Variants in NBEAL1 observed in about 807,000 individuals in gnomAD.
The protein encoded by NBEAL1 is neurobeachin-like protein 1.
A neutral mutation model predicts 351.3 loss-of-function variants in NBEAL1; 273 were observed. The observed-to-expected ratio is 0.78, with a 90% CI of 0.70 to 0.86. NBEAL1 has a LOEUF of 0.86. NBEAL1 is among the 40% of genes least tolerant of loss of function. The pLI is 0.00. For missense variants in NBEAL1, 2,961 were observed against 3,201.3 expected, an observed-to-expected ratio of 0.92 and a Z score of 1.81; for synonymous variants, 1,050 against 1,086.4, an observed-to-expected ratio of 0.97 and a Z score of 0.66.
At chr2:203,079,169 T>A (rs191972491) in intron 8 of NBEAL1, among the ~76,000 whole-genome samples, 38 of 152,250 alleles carry the variant, frequency 2.5e-4, no homozygotes, top group African/African-American at 8.9e-4. Flanking sequence ...AGCCTTGGCC[T>A]CCTGGCTCAG....
In NBEAL1 at chr2:203,037,902, C is replaced by CCTCAAACT. The variant is rs771802626; in HGVS notation, c.52-3862_52-3861insTCAAACTC. On this transcript the variant is annotated intron_variant, in intron 2 of 55. Transcript: ENST00000683969. ...CTCAGGAGTTTGAGGCCATAGTGAA[C>CCTCAAACT]CGTGATTGTGCCACTGCACTCCGGC... 5.8e-4 allele frequency among the ~76,000 whole-genome samples: 87 copies of CCTCAAACT among 149,236 alleles called. 6 individuals are homozygous for CCTCAAACT. Among genetic ancestry groups the CCTCAAACT allele is most frequent in the African/African-American group, 1.9e-3 (77 of 41,132 alleles).
chr2:203,127,965 T>A, intron 24 of NBEAL1, 28 bp downstream of exon 24: 1 of 1,520,756 alleles, frequency 6.6e-7, no homozygotes, highest in Non-Finnish European at 8.9e-7. Flanking sequence ...CATCTACTTT[T>A]CCTTTTTAAC....
chr2:203,127,768 T>G lies in NBEAL1; in HGVS notation c.3249-13T>G. 1.4e-6 allele frequency: 2 copies of G among 1,467,508 alleles called. No individual in the cohort carries two copies. Among genetic ancestry groups the G allele is most frequent in the Non-Finnish European group, 1.9e-6 (2 of 1,078,014 alleles). The allele number at this position is 1,467,508 out of a possible 1,614,324, so 90.9% of individuals were successfully genotyped here. On this transcript the variant is annotated splice_polypyrimidine_tract_variant and intron_variant, in intron 23 of 55. Transcript: ENST00000683969. ...TTAAAATTTCAATTCTTATACTTTG[T>G]TTTGTCTTTCAGGAATGGTTGTAAA... is the stretch of plus-strand genomic sequence containing the variant.
At chr2:203,119,457 C>T (rs1333921892) in intron 18 of NBEAL1, among the ~76,000 whole-genome samples, 15 of 56,444 alleles carry the variant, frequency 2.7e-4, no homozygotes, top group African/African-American at 5.9e-4. Context: ...GACGGAGTCT[C>T]GCTCTGTTGC....
intron 7 of NBEAL1, among the ~76,000 whole-genome samples, chr2:203,076,125 T>G (rs1020011045): frequency 1.3e-5 from 2 of 152,026 alleles, no homozygotes; most frequent in Non-Finnish European, 1.5e-5. Flanking sequence ...GTTAACACAT[T>G]GTAGTGGTGT....
At chr2:203,201,768 A>G in intron 50 of NBEAL1, 53 bp downstream of exon 50, 6 of 1,453,438 alleles carry the variant, frequency 4.1e-6, no homozygotes, top group Non-Finnish European at 5.6e-6. Context: ...TTTTTTCTTA[A>G]GTATAAAAGT....
chr2:203,110,811 T>G (rs57008601), intron 15 of NBEAL1, among the ~76,000 whole-genome samples: 59,269 of 131,640 alleles, frequency 0.45, 15,587 homozygotes, highest in Middle Eastern at 0.68. Context: ...CTGTCGCCAG[T>G]CTGGAGTACA....
At position 203,217,782 on chromosome 2, in the gene NBEAL1, T is replaced by C. The variant is rs535252135; in HGVS notation, c.*428T>C. ...AAATATATCAATTTATTTATGGAAC[T>C]CCTGATTGGGGATAATATTTTAAAG... On this transcript the variant is annotated 3_prime_UTR_variant, in exon 56 of 56. Coordinates refer to ENST00000683969, the MANE Select transcript of NBEAL1 (RefSeq NM_001378026.1). 2.9e-5 allele frequency: 28 copies of C among 980,204 alleles called. No homozygotes were observed. The East Asian group carries it at 2.0e-3, about 72-fold the overall frequency. 60.7% of individuals were successfully genotyped at this position (980,204 alleles called of 1,614,324 possible).
At chr2:203,210,536 C>T (rs1020258932) in intron 53 of NBEAL1, among the ~76,000 whole-genome samples, 13 of 148,438 alleles carry the variant, frequency 8.8e-5, no homozygotes, top group African/African-American at 3.3e-4. Context: ...TGGTGTTGGG[C>T]ACCTGTAGTC....
At chr2:203,155,345 G>C (rs1433775270) in intron 35 of NBEAL1, among the ~76,000 whole-genome samples, 1 of 151,250 alleles carries the variant, frequency 6.6e-6, no homozygotes, top group Non-Finnish European at 1.5e-5. Flanking sequence ...ACTTATTTTT[G>C]GTCCTCACCT....
At chr2:203,018,397 T>C (rs1240357186) in intron 2 of NBEAL1, among the ~76,000 whole-genome samples, 2 of 151,886 alleles carry the variant, frequency 1.3e-5, no homozygotes, top group African/African-American at 4.8e-5. Flanking sequence ...GAAATCGTAG[T>C]TTAGTTTTGG....
At chr2:203,179,686 T>A (rs189127612) in intron 42 of NBEAL1, among the ~76,000 whole-genome samples, 1 of 152,306 alleles carries the variant, frequency 6.6e-6, no homozygotes, top group African/African-American at 2.4e-5. Flanking sequence ...ATTAACCAAG[T>A]ATATTGATAC....
chr2:203,164,119 A>G (rs1346433463), intron 36 of NBEAL1, among the ~76,000 whole-genome samples: 3 of 151,934 alleles, frequency 2.0e-5, no homozygotes, highest in Non-Finnish European at 4.4e-5. Context: ...TACCTATTAT[A>G]TTAATACATG....
rs2065909304 is a variant in NBEAL1, at chr2:203,217,458, T to C, written c.*104T>C. ...TGCAATGTTGCAAGGCTTTTATCCCTGAAAATCATTTACAGATAACCACAA... is the reference window on the plus strand; with the variant it reads ...TGCAATGTTGCAAGGCTTTTATCCCCGAAAATCATTTACAGATAACCACAA... On this transcript the variant is annotated 3_prime_UTR_variant, in exon 56 of 56. Transcript: ENST00000683969. 1.5e-6 allele frequency: 2 copies of C among 1,337,296 alleles called. No homozygotes were observed. Among genetic ancestry groups the C allele is most frequent in the Non-Finnish European group, 1.9e-6 (2 of 1,038,880 alleles). 82.8% of individuals were successfully genotyped at this position (1,337,296 alleles called of 1,614,324 possible). A position where few individuals can be genotyped will look rare whatever the true frequency, so the allele number is the denominator to read the frequency against.
chr2:203,034,614 A>C (rs758682751), intron 2 of NBEAL1, among the ~76,000 whole-genome samples: 11 of 145,774 alleles, frequency 7.5e-5, no homozygotes, highest in Non-Finnish European at 1.5e-4. Context: ...ATGCACCACC[A>C]CTCCTAATTT....
In NBEAL1 at chr2:203,058,192, C is replaced by G. The variant is rs577520914; in HGVS notation, c.515+739C>G. ...CAGGATCCCATAAGGAAAACATAAA[C>G]GAGACTAAATATTTTTATTTTTAGA... On this transcript the variant is annotated intron_variant, in intron 6 of 55. Coordinates refer to ENST00000683969, the MANE Select transcript of NBEAL1 (RefSeq NM_001378026.1). Among the ~76,000 whole-genome samples, 14 of 152,040 alleles carry G rather than the reference C, an allele frequency of 9.2e-5. No homozygotes were observed. The South Asian group carries it at 2.5e-3, about 27-fold the overall frequency.
intron 2 of NBEAL1, among the ~76,000 whole-genome samples, chr2:203,032,146 G>C (rs909895160): frequency 6.6e-6 from 1 of 152,092 alleles, no homozygotes; most frequent in African/African-American, 2.4e-5. Flanking sequence ...CTTTTAAGTG[G>C]TTCCTTCAGC....
In NBEAL1 at chr2:203,167,301, T is replaced by A. The variant is rs775857214; in HGVS notation, c.5938T>A (p.Ser1980Thr). Residue 1980 changes from serine to threonine, a missense_variant, in exon 38 of 56, where the codon TCA (serine) becomes ACA (threonine). Physicochemically the swap from Ser to Thr is moderately conservative, Grantham distance 58. Coordinates refer to ENST00000683969, the MANE Select transcript of NBEAL1 (RefSeq NM_001378026.1). Reference protein sequence around the residue: ...IHLRRYNLRRSALEIFHVDQS... With the variant: ...IHLRRYNLRRTALEIFHVDQS... Reference sequence around the variant, plus strand: ...TCTCCGGCGTTACAATTTAAGAAGATCAGCCCTTGAGATTTTTCATGTTGA... The same window carrying A: ...TCTCCGGCGTTACAATTTAAGAAGAACAGCCCTTGAGATTTTTCATGTTGA... The A allele has an allele frequency of 6.2e-7, 1 of 1,613,318 alleles. No individual in the cohort carries two copies. Among genetic ancestry groups the A allele is most frequent in the Non-Finnish European group, 8.5e-7 (1 of 1,179,664 alleles).
At chr2:203,046,203 A>G (rs775531402) in intron 3 of NBEAL1, among the ~76,000 whole-genome samples, 3 of 133,878 alleles carry the variant, frequency 2.2e-5, no homozygotes, top group Non-Finnish European at 5.1e-5. Context: ...AAGGAACAAC[A>G]GTAGATATTT....
Sources: gnomAD v4.1 joint callset for allele counts (sites outside exome capture counted in the v4.1 genomes callset) on GRCh38, gnomAD v4.1.1 for gene constraint, MANE v1.5 for transcripts, NCBI Gene and HGNC (gene_info 2026-07-23, HGNC 2026-07-21) for gene names.